SEMA4D: variants seen among roughly 807,000 people sequenced by gnomAD.
SEMA4D encodes the protein semaphorin-4D.
In SEMA4D, 22 loss-of-function variants were observed where a neutral mutation model predicts 74.8. That is an observed-to-expected ratio of 0.29 (90% CI 0.21 to 0.42). The LOEUF (loss-of-function observed/expected upper bound fraction) is 0.42, where lower values mean the gene tolerates loss of function less well. Ranked by LOEUF, SEMA4D falls within the 10% of genes least tolerant of loss-of-function variation. SEMA4D has a pLI of 1.00. For synonymous variants in SEMA4D, 445 were observed against 463.7 expected, an observed-to-expected ratio of 0.96 and a Z score of 0.52; for missense variants, 937 against 1,118.4, an observed-to-expected ratio of 0.84 and a Z score of 2.31.
intron 16 of SEMA4D, among the ~76,000 whole-genome samples, chr9:89,370,144 A>G (rs1251950422): frequency 6.7e-6 from 1 of 148,640 alleles, no homozygotes; most frequent in Non-Finnish European, 1.5e-5. Context: ...ATGTGTGCAC[A>G]TGTGCAGTGA....
chr9:89,444,094 T>A (rs892944745), intron 2 of SEMA4D, among the ~76,000 whole-genome samples: 2 of 152,214 alleles, frequency 1.3e-5, no homozygotes, highest in East Asian at 3.8e-4. Flanking sequence ...CCCCCCATAA[T>A]AAACCTGCTT....
chr9:89,424,369 A>G (rs1046706582), intron 2 of SEMA4D, among the ~76,000 whole-genome samples: 1 of 152,212 alleles, frequency 6.6e-6, no homozygotes, highest in African/African-American at 2.4e-5. Context: ...GTTTTCCTAG[A>G]TCAACGTCAA....
At chr9:89,415,740 G>T (rs1587717269) in intron 2 of SEMA4D, among the ~76,000 whole-genome samples, 1 of 152,184 alleles carries the variant, frequency 6.6e-6, no homozygotes, top group Non-Finnish European at 1.5e-5. Flanking sequence ...CCCAGTCTAT[G>T]ACATTTTGTT....
At chr9:89,385,506 T>G in intron 13 of SEMA4D, 1 of 985,304 alleles carries the variant, frequency 1.0e-6, no homozygotes, top group Non-Finnish European at 1.2e-6. Flanking sequence ...GAGAGGCTGG[T>G]GAACAGATGC....
At chr9:89,422,790 G>A (rs1458768272) in intron 2 of SEMA4D, among the ~76,000 whole-genome samples, 1 of 152,180 alleles carries the variant, frequency 6.6e-6, no homozygotes, top group African/African-American at 2.4e-5. Flanking sequence ...CCACACAGAG[G>A]GCACTGGGAG....
intron 16 of SEMA4D, among the ~76,000 whole-genome samples, chr9:89,371,299 T>A (rs1255243637): frequency 1.5e-4 from 19 of 123,130 alleles, no homozygotes; most frequent in African/African-American, 5.7e-4. Context: ...ACGGTGTGTG[T>A]GTCTGGGGTG....
intron 1 of SEMA4D, among the ~76,000 whole-genome samples, chr9:89,494,464 C>CA (rs1468317826): frequency 6.6e-6 from 1 of 152,196 alleles, no homozygotes; most frequent in African/African-American, 2.4e-5. Context: ...TGTGTCCTTC[C>CA]AGATGGGCTT....
intron 18 of SEMA4D, among the ~76,000 whole-genome samples, chr9:89,363,075 G>C (rs1832955848): frequency 6.6e-6 from 1 of 152,228 alleles, no homozygotes; most frequent in Non-Finnish European, 1.5e-5. Context: ...CATCTGTCCA[G>C]GTTTCCTGCC....
intron 9 of SEMA4D, among the ~76,000 whole-genome samples, chr9:89,389,531 C>T (rs530336078): frequency 1.3e-5 from 2 of 152,336 alleles, no homozygotes; most frequent in African/African-American, 4.8e-5. Flanking sequence ...AACCTTCCTC[C>T]CTTTAAAGGA....
intron 1 of SEMA4D, among the ~76,000 whole-genome samples, chr9:89,463,620 G>C (rs191022056): frequency 6.6e-6 from 1 of 152,272 alleles, no homozygotes; most frequent in East Asian, 1.9e-4. Context: ...CACAACACAA[G>C]GTCTCTATGT....
Position 89,484,285 on chromosome 9 carries a change from G to C in SEMA4D, c.-310+13634C>G, listed in dbSNP as rs1383835832. The stretch of plus-strand genomic sequence containing the variant: ...CCCACCTGCTCTGGGAACAAGGCAC[G>C]CATGACCAGTCTAGGAAAAGTGTGC... On this transcript the variant is annotated intron_variant, in intron 1 of 15. Transcript: ENST00000422704. The surrounding 1 kb of genome is among the most constrained non-coding windows in gnomAD (Gnocchi z 4.1). 1.3e-5 allele frequency among the ~76,000 whole-genome samples: 2 copies of C among 152,262 alleles called. No homozygotes were observed. The highest frequency in any genetic ancestry group is 3.8e-4 in the East Asian group (2 of 5,198).
At chr9:89,422,086 G>A (rs528922243) in intron 2 of SEMA4D, among the ~76,000 whole-genome samples, 15 of 152,266 alleles carry the variant, frequency 9.9e-5, no homozygotes, top group African/African-American at 2.6e-4. Flanking sequence ...CATTGCTGAC[G>A]ATCTCTAAAA....
At chr9:89,388,185 G>C (rs1240868239) in intron 11 of SEMA4D, among the ~76,000 whole-genome samples, 2 of 152,178 alleles carry the variant, frequency 1.3e-5, no homozygotes, top group African/African-American at 4.8e-5. Context: ...CAGCCCCACA[G>C]AGGGCTGTGC....
At chr9:89,449,540 A>T in intron 2 of SEMA4D, 1 of 770,436 alleles carries the variant, frequency 1.3e-6, no homozygotes, top group Non-Finnish European at 2.4e-6. Flanking sequence ...ACGAGGCTGC[A>T]GTGGTGGTGG....
intron 15 of SEMA4D, 113 bp from the exon 16 acceptor site, chr9:89,379,742 G>C (rs1159012267): frequency 8.1e-7 from 1 of 1,235,502 alleles, no homozygotes; most frequent in Non-Finnish European, 1.1e-6. Flanking sequence ...TAGCAACATG[G>C]AATCTTCCAG....
chr9:89,445,985 C>G (rs62549799), intron 2 of SEMA4D, among the ~76,000 whole-genome samples: 7 of 152,012 alleles, frequency 4.6e-5, no homozygotes, highest in Non-Finnish European at 1.0e-4. Flanking sequence ...CCCGGACCCC[C>G]TCCCTTCCAG....
At chr9:89,383,628 T>C (rs563263775) in intron 13 of SEMA4D, among the ~76,000 whole-genome samples, 108 of 152,256 alleles carry the variant, frequency 7.1e-4, no homozygotes, top group Admixed American at 2.4e-3. Context: ...GGTAACGCAC[T>C]GCACCATGAC....
chr9:89,393,676 A>T, intron 6 of SEMA4D, 21 bp from the exon 7 acceptor site: 1 of 1,558,738 alleles, frequency 6.4e-7, no homozygotes, highest in Non-Finnish European at 8.9e-7. Flanking sequence ...ATAAAAAGAG[A>T]GCACATCATC....
intron 2 of SEMA4D, among the ~76,000 whole-genome samples, chr9:89,427,878 C>A (rs1260522956): frequency 5.9e-5 from 9 of 152,170 alleles, no homozygotes; most frequent in Non-Finnish European, 1.0e-4. Flanking sequence ...GCCCCCCACA[C>A]AGTCACCTTC....
Sources: allele counts gnomAD v4.1 joint callset (sites outside exome capture counted in the v4.1 genomes callset), GRCh38; gene constraint gnomAD v4.1.1; non-coding constraint Gnocchi (gnomAD v3.1); transcripts MANE v1.5; gene names NCBI Gene and HGNC (gene_info 2026-07-23, HGNC 2026-07-21).